The following NOL4L variants were observed in gnomAD, a reference collection of about 807,000 sequenced individuals.
NOL4L encodes the protein nucleolar protein 4 like.
In NOL4L, 7 loss-of-function variants were observed where a neutral mutation model predicts 64.5. The ratio of observed to expected loss-of-function variants is 0.11; its 90% CI spans 0.06 to 0.20. The LOEUF (loss-of-function observed/expected upper bound fraction) is 0.20. Ranked by LOEUF, NOL4L falls within the 10% of genes least tolerant of loss-of-function variation. The probability of loss-of-function intolerance (pLI) is 1.00; values close to 1 mark genes in which losing one functional copy is unlikely to be tolerated. For synonymous variants in NOL4L, 413 were observed against 401.0 expected (o/e 1.03, Z -0.36); for missense variants, 680 against 967.1 (o/e 0.70, Z 3.94).
At chr20:32,528,645 G>A (rs1182032227) in intron 1 of NOL4L, among the ~76,000 whole-genome samples, 2 of 152,074 alleles carry the variant, frequency 1.3e-5, no homozygotes, top group African/African-American at 2.4e-5. Context: ...ACAGCTGTGG[G>A]GCTGACGCCT....
intron 1 of NOL4L, among the ~76,000 whole-genome samples, chr20:32,533,996 A>T (rs2018430669): frequency 6.6e-6 from 1 of 152,212 alleles, no homozygotes; most frequent in Non-Finnish European, 1.5e-5. Flanking sequence ...TTGCTAATGG[A>T]TTGCAGTTCT....
At position 32,564,637 on chromosome 20, in the gene NOL4L, GA is replaced by G. The variant is rs922673486; in HGVS notation, c.321+19932del. On this transcript the variant is annotated intron_variant, in intron 1 of 10. Transcript: ENST00000621426. ...GCCTCGTATGTCCTGTGTGCTTCAG[GA>G]CACAATCTTCCCTCTTTGTGCCTCA... Among the ~76,000 whole-genome samples the G allele has an allele frequency of 4.6e-5, 7 of 152,366 alleles. 1 individual carries two copies. The highest frequency in any genetic ancestry group is 4.6e-4 in the Admixed American group (7 of 15,310).
chr20:32,513,304 G>T (rs2017492463), intron 3 of NOL4L, among the ~76,000 whole-genome samples: 1 of 152,150 alleles, frequency 6.6e-6, no homozygotes, highest in South Asian at 2.1e-4. Context: ...GCCCAAAAGG[G>T]TCCCTGCAAC....
chr20:32,503,023 C>T (rs191475372), intron 4 of NOL4L, among the ~76,000 whole-genome samples: 18 of 152,318 alleles, frequency 1.2e-4, no homozygotes, highest in Admixed American at 7.2e-4. Context: ...CCTGGGATTG[C>T]GGTGGAAGGT....
intron 1 of NOL4L, chr20:32,537,134 G>A: frequency 1.0e-6 from 1 of 985,182 alleles, no homozygotes; most frequent in Non-Finnish European, 1.2e-6. Flanking sequence ...CTCCTTCAGG[G>A]AGCGCCCGCT....
chr20:32,488,896 C>CTTTCTTTCTTTCTTTCTT (rs1568649710), intron 4 of NOL4L, among the ~76,000 whole-genome samples: 4 of 116,540 alleles, frequency 3.4e-5, no homozygotes, highest in Non-Finnish European at 5.5e-5. Context: ...TCTTTCTTTC[C>CTTTCTTTCTTTCTTTCTT]TCTCTCTTTC....
chr20:32,497,093 A>C (rs571217803), intron 4 of NOL4L, among the ~76,000 whole-genome samples: 1 of 149,690 alleles, frequency 6.7e-6, no homozygotes, highest in South Asian at 2.1e-4. Flanking sequence ...ATAATGAGGT[A>C]AACACAATCA....
chr20:32,562,322 A>G (rs1306688052), intron 1 of NOL4L, among the ~76,000 whole-genome samples: 29 of 152,146 alleles, frequency 1.9e-4, no homozygotes, highest in Non-Finnish European at 1.0e-4. Flanking sequence ...AGCAGTGCTG[A>G]ACGCTGACCC....
intron 4 of NOL4L, among the ~76,000 whole-genome samples, chr20:32,501,531 T>C (rs1357565575): frequency 6.6e-6 from 1 of 152,254 alleles, no homozygotes; most frequent in South Asian, 2.1e-4. Context: ...AATGTATCAG[T>C]GTGGTTCATT....
At chr20:32,515,117 G>A (rs1381557617) in intron 3 of NOL4L, among the ~76,000 whole-genome samples, 2 of 152,080 alleles carry the variant, frequency 1.3e-5, no homozygotes, top group African/African-American at 4.8e-5. Context: ...CAGTGGCCAG[G>A]ACAGCACCCT....
Position 32,474,594 on chromosome 20 carries a change from C to G in NOL4L, c.841+7G>C. The G allele has an allele frequency of 1.2e-6, 2 of 1,606,554 alleles. No homozygotes were observed. The highest frequency in any genetic ancestry group is 2.2e-5 in the South Asian group (2 of 90,598). ...CCCCTCCTCAACTGCCACCAAGGGG[C>G]ACTCACCGTCCTCTTGACTGTGGAG... On this transcript the variant is annotated splice_region_variant and intron_variant, in intron 5 of 10. Coordinates refer to ENST00000621426, the MANE Select transcript of NOL4L (RefSeq NM_001256798.2).
rs56182517 is a variant in NOL4L at position 32,488,805 on chromosome 20, T to TTCTC, written c.700-14064_700-14063insGAGA. Reference sequence around the variant, plus strand: ...TTCCTTCCTTCCTTTCTTTCTTTCTTTTTCTTTCTTTCTTTCTTTCTTTTT... The same window carrying TTCTC: ...TTCCTTCCTTCCTTTCTTTCTTTCTTTCTCTTTCTTTCTTTCTTTCTTTCTTTTT... On this transcript the variant is annotated intron_variant, in intron 4 of 10. Transcript: ENST00000621426. Among the ~76,000 whole-genome samples, 43 of 30,200 alleles carry TTCTC rather than the reference T, an allele frequency of 1.4e-3. 5 individuals are homozygous for TTCTC. In the Middle Eastern group the frequency reaches 0.042, roughly 29 times the overall value. 19.8% of individuals were successfully genotyped at this position (30,200 alleles called of 152,430 possible). A position where few individuals can be genotyped will look rare whatever the true frequency, so the allele number is the denominator to read the frequency against.
Position 32,453,551 on chromosome 20 carries a change from C to T in NOL4L, c.1305+25G>A, listed in dbSNP as rs780841651. On this transcript the variant is annotated intron_variant, in intron 7 of 10. Coordinates refer to ENST00000621426, the MANE Select transcript of NOL4L (RefSeq NM_001256798.2). The surrounding 1 kb of genome is among the most constrained non-coding windows in gnomAD (Gnocchi z 5.6). ...GCCCTGGCCTTGCCCCCATCCCACCCCACCTGTTTCCGGCCGGTGCTCACG... is the reference window on the plus strand; with the variant it reads ...GCCCTGGCCTTGCCCCCATCCCACCTCACCTGTTTCCGGCCGGTGCTCACG... 5 of 1,613,708 alleles carry T rather than the reference C, an allele frequency of 3.1e-6. No individual in the cohort carries two copies. The South Asian group carries it at 5.5e-5, about 18-fold the overall frequency.
intron 1 of NOL4L, among the ~76,000 whole-genome samples, chr20:32,571,745 C>G (rs2145620822): frequency 6.6e-6 from 1 of 152,354 alleles, no homozygotes; most frequent in East Asian, 1.9e-4. Flanking sequence ...CACACGTCTG[C>G]TCTTGGGGCA....
At chr20:32,571,206 T>C (rs1316296927) in intron 1 of NOL4L, among the ~76,000 whole-genome samples, 1 of 152,138 alleles carries the variant, frequency 6.6e-6, no homozygotes, top group Non-Finnish European at 1.5e-5. Context: ...TTGTTTGTTT[T>C]AGTTGGAGTC....
intron 4 of NOL4L, among the ~76,000 whole-genome samples, chr20:32,499,264 C>T (rs1568660055): frequency 6.6e-6 from 1 of 152,040 alleles, no homozygotes; most frequent in Non-Finnish European, 1.5e-5. Flanking sequence ...ATGTTTAGAG[C>T]CCCCCGATCC....
intron 2 of NOL4L, among the ~76,000 whole-genome samples, chr20:32,523,967 C>T (rs2018037217): frequency 6.6e-6 from 1 of 152,218 alleles, no homozygotes; most frequent in Admixed American, 6.5e-5. Context: ...GATCCTCCTT[C>T]TGCCCTGAGG....
intron 5 of NOL4L, among the ~76,000 whole-genome samples, chr20:32,467,593 C>A (rs193160886): frequency 6.6e-6 from 1 of 152,150 alleles, no homozygotes; most frequent in African/African-American, 2.4e-5. Context: ...ACTGGACCAA[C>A]GGGGTGGTGC....
chr20:32,568,232 T>C (rs1161181155), intron 1 of NOL4L, among the ~76,000 whole-genome samples: 1 of 152,158 alleles, frequency 6.6e-6, no homozygotes, highest in Non-Finnish European at 1.5e-5. Flanking sequence ...CAATATGCCC[T>C]GAACTCTGCC....
Sources: allele counts gnomAD v4.1 joint callset (sites outside exome capture counted in the v4.1 genomes callset), GRCh38; gene constraint gnomAD v4.1.1; non-coding constraint Gnocchi (gnomAD v3.1); transcripts MANE v1.5; gene names NCBI Gene and HGNC (gene_info 2026-07-23, HGNC 2026-07-21).